Variants in COL21A1 observed in about 807,000 individuals in gnomAD.
The protein encoded by COL21A1 is collagen type XXI alpha 1 chain.
Under a neutral mutation model 137.9 loss-of-function variants are expected in COL21A1, and 149 were observed. That is an observed-to-expected ratio of 1.08 (90% CI 0.95 to 1.24). COL21A1 has a LOEUF of 1.24. COL21A1 is among the 50% of genes most tolerant of loss of function. COL21A1 has a pLI of 0.00. For synonymous variants in COL21A1, 456 were observed against 391.5 expected (o/e 1.16, Z -1.95); for missense variants, 1,167 against 1,158.4 (o/e 1.01, Z -0.11).
intron 17 of COL21A1, among the ~76,000 whole-genome samples, chr6:56,087,423 G>A (rs996564552): frequency 6.6e-6 from 1 of 152,156 alleles, no homozygotes; most frequent in African/African-American, 2.4e-5. Context: ...AGACCATTCA[G>A]ATGTCTTCAG....
chr6:56,268,519 A>G (rs1415001378), intron 1 of COL21A1, among the ~76,000 whole-genome samples: 2 of 152,116 alleles, frequency 1.3e-5, no homozygotes, highest in East Asian at 3.8e-4. Context: ...AAACCACCAC[A>G]CCAAAAATAT....
At chr6:56,243,956 A>G (rs2152326472) in intron 1 of COL21A1, among the ~76,000 whole-genome samples, 1 of 152,344 alleles carries the variant, frequency 6.6e-6, no homozygotes, top group South Asian at 2.1e-4. Context: ...CTAAAGAATT[A>G]CTATTGCATG....
chr6:56,265,226 G>A (rs2152331422), intron 1 of COL21A1, among the ~76,000 whole-genome samples: 1 of 152,308 alleles, frequency 6.6e-6, no homozygotes, highest in South Asian at 2.1e-4. Flanking sequence ...CAGAAATCTT[G>A]ATGAGGATCC....
At position 56,060,041 on chromosome 6, in the gene COL21A1, C is replaced by T. The variant is rs375936410; in HGVS notation, c.2585G>A (p.Arg862His). The T allele has an allele frequency of 2.0e-5, 32 of 1,602,982 alleles. No homozygotes were observed. The East Asian group carries it at 2.9e-4, about 15-fold the overall frequency. ...GVPGLVGVPG[R>H]PGVRGLKGLP... ...ACCTTTTAATCCTCTGACACCTGGACGTCCAGGGACACCCACTAATCCAGG... is the reference window on the plus strand; with the variant it reads ...ACCTTTTAATCCTCTGACACCTGGATGTCCAGGGACACCCACTAATCCAGG... The change falls in exon 28 of 30, where the codon CGT becomes CAT. Residue 862 changes from arginine (R) to histidine (H), a missense_variant. Coordinates refer to ENST00000244728, the MANE Select transcript of COL21A1 (RefSeq NM_030820.4).
chr6:56,325,690 A>T (rs1271101711), intron 1 of COL21A1, among the ~76,000 whole-genome samples: 82 of 930 alleles, frequency 0.088, 20 homozygotes, highest in Non-Finnish European at 0.51. Context: ...TAGATAATAT[A>T]AATATATATA....
chr6:56,286,124 A>G (rs1763906863), intron 1 of COL21A1, among the ~76,000 whole-genome samples: 1 of 152,190 alleles, frequency 6.6e-6, no homozygotes, highest in Non-Finnish European at 1.5e-5. Flanking sequence ...TGTTTGGGCT[A>G]CAAACTAGGC....
chr6:56,250,630 C>T (rs1782833906), upstream of COL21A1, among the ~76,000 whole-genome samples: 1 of 152,174 alleles, frequency 6.6e-6, no homozygotes, highest in African/African-American at 2.4e-5. Context: ...CCCACTGAGA[C>T]TCTCAGCAGA....
chr6:56,210,685 G>A (rs1172814838), intron 1 of COL21A1, among the ~76,000 whole-genome samples: 1 of 152,136 alleles, frequency 6.6e-6, no homozygotes. Context: ...CCTCTTCTGT[G>A]AATGGCTTTT....
intron 3 of COL21A1, among the ~76,000 whole-genome samples, chr6:56,174,130 G>A (rs57122743): frequency 0.067 from 10,168 of 152,066 alleles, 400 homozygotes; most frequent in Admixed American, 0.11. Context: ...TAGAAAATAC[G>A]TGATGACAAA....
At chr6:56,158,186 G>GT (rs1373798998) in intron 9 of COL21A1, among the ~76,000 whole-genome samples, 1 of 149,746 alleles carries the variant, frequency 6.7e-6, no homozygotes, top group African/African-American at 2.5e-5. Flanking sequence ...AGTCACTGCC[G>GT]TAAGTATCAG....
chr6:56,300,908 C>T (rs896302611), intron 1 of COL21A1, among the ~76,000 whole-genome samples: 1 of 152,166 alleles, frequency 6.6e-6, no homozygotes, highest in Non-Finnish European at 1.5e-5. Context: ...CTAAACCTAT[C>T]AAATAGTCTT....
intron 1 of COL21A1, among the ~76,000 whole-genome samples, chr6:56,277,562 C>T (rs1375132191): frequency 1.3e-5 from 2 of 152,160 alleles, no homozygotes; most frequent in Non-Finnish European, 2.9e-5. Flanking sequence ...ACCAAATACA[C>T]TAAATAGTCA....
At chr6:56,279,920 A>G (rs764497193) in intron 1 of COL21A1, among the ~76,000 whole-genome samples, 6 of 152,170 alleles carry the variant, frequency 3.9e-5, no homozygotes, top group Non-Finnish European at 8.8e-5. Flanking sequence ...GTTAAGCCTG[A>G]TAAATCACCT....
intron 1 of COL21A1, among the ~76,000 whole-genome samples, chr6:56,344,419 A>G (rs1765541784): frequency 6.6e-6 from 1 of 152,242 alleles, no homozygotes; most frequent in South Asian, 2.1e-4. Flanking sequence ...CCATGAAACT[A>G]AATTTTTCAG....
intron 1 of COL21A1, among the ~76,000 whole-genome samples, chr6:56,185,857 A>T (rs1197832029): frequency 1.3e-5 from 2 of 152,198 alleles, no homozygotes; most frequent in Non-Finnish European, 2.9e-5. Flanking sequence ...CTTCACCAGT[A>T]ATTTCTTCCA....
intron 21 of COL21A1, among the ~76,000 whole-genome samples, chr6:56,070,027 G>GT (rs1217729156): frequency 6.6e-6 from 1 of 151,362 alleles, no homozygotes; most frequent in Non-Finnish European, 1.5e-5. Context: ...CTGAAATAAA[G>GT]TTTTTTGTTT....
intron 1 of COL21A1, among the ~76,000 whole-genome samples, chr6:56,267,255 A>G (rs1234397933): frequency 1.3e-5 from 2 of 152,222 alleles, no homozygotes; most frequent in East Asian, 1.9e-4. Context: ...CCTGATCTTC[A>G]TCAAACCTGC....
chr6:56,074,624 A>T (rs188514011), intron 19 of COL21A1, among the ~76,000 whole-genome samples: 201 of 151,458 alleles, frequency 1.3e-3, no homozygotes, highest in African/African-American at 4.3e-3. Flanking sequence ...GGCTAAAATT[A>T]GGTGTCTTCA....
At chr6:56,145,332 C>T (rs1774752654) in intron 10 of COL21A1, among the ~76,000 whole-genome samples, 1 of 152,064 alleles carries the variant, frequency 6.6e-6, no homozygotes, top group South Asian at 2.1e-4. Flanking sequence ...TCTTAAAGTA[C>T]TAATTGCAGA....
Sources: allele counts gnomAD v4.1 joint callset (sites outside exome capture counted in the v4.1 genomes callset), GRCh38; gene constraint gnomAD v4.1.1; transcripts MANE v1.5; gene names NCBI Gene and HGNC (gene_info 2026-07-23, HGNC 2026-07-21).